Variants in MAPKAP1 observed in about 807,000 individuals in gnomAD.
MAPKAP1 encodes MAPK associated protein 1.
A neutral mutation model predicts 65.7 loss-of-function variants in MAPKAP1; 20 were observed. That is an observed-to-expected ratio of 0.30 (90% CI 0.21 to 0.44). MAPKAP1 has a LOEUF of 0.44. Among genes scored for constraint, MAPKAP1 ranks in the 20% least tolerant of loss-of-function variants. MAPKAP1 has a pLI of 1.00. For missense variants in MAPKAP1, 423 were observed against 648.0 expected (o/e 0.65, Z 3.77); for synonymous variants, 222 against 244.3 (o/e 0.91, Z 0.85).
At chr9:125,664,327 A>G (rs941226162) in intron 3 of MAPKAP1, among the ~76,000 whole-genome samples, 1 of 150,200 alleles carries the variant, frequency 6.7e-6, no homozygotes, top group African/African-American at 2.5e-5. Context: ...AGCCTGGGCA[A>G]TAAGAGTAAA....
chr9:125,458,366 C>T (rs1220324751), intron 10 of MAPKAP1, among the ~76,000 whole-genome samples: 7 of 151,944 alleles, frequency 4.6e-5, no homozygotes, highest in Admixed American at 1.3e-4. Context: ...CCCTGCGGCC[C>T]TCTGCAGTGT....
intron 8 of MAPKAP1, among the ~76,000 whole-genome samples, chr9:125,489,651 A>G (rs7848821): frequency 0.67 from 101,911 of 151,740 alleles, 34,347 homozygotes; most frequent in Middle Eastern, 0.72. Flanking sequence ...TCAGGAAAGG[A>G]GAACTGAGGA....
At chr9:125,591,597 T>C (rs1432099226) in intron 4 of MAPKAP1, among the ~76,000 whole-genome samples, 2 of 152,240 alleles carry the variant, frequency 1.3e-5, no homozygotes, top group African/African-American at 4.8e-5. Context: ...ATCTTTTTAA[T>C]CTTCTAATTC....
rs115230976 is a variant in MAPKAP1 at position 125,596,016 on chromosome 9, G to T, written c.499-10289C>A. On this transcript the variant is annotated intron_variant, in intron 4 of 11. Transcript: ENST00000265960. ...TGGTGGCATTAAAGAAGACACTGAA[G>T]AACATCACCTGCGAGATTATTTTGA... The T allele has an allele frequency of 2.2e-3, 3,320 of 1,497,238 alleles. 70 individuals carry two copies. In the African/African-American group the frequency reaches 0.038, roughly 17 times the overall value. 92.7% of individuals were successfully genotyped at this position (1,497,238 alleles called of 1,614,324 possible). A position where few individuals can be genotyped will look rare whatever the true frequency, so the allele number is the denominator to read the frequency against.
chr9:125,494,167 G>C (rs1854846935), intron 8 of MAPKAP1, among the ~76,000 whole-genome samples: 1 of 151,848 alleles, frequency 6.6e-6, no homozygotes, highest in South Asian at 2.1e-4. Context: ...TTTTTTTCCA[G>C]AGGCCTTTTA....
intron 4 of MAPKAP1, among the ~76,000 whole-genome samples, chr9:125,601,262 C>T (rs543135335): frequency 3.2e-4 from 48 of 152,016 alleles, no homozygotes; most frequent in Non-Finnish European, 5.7e-4. Context: ...TCAAAGATAG[C>T]GAAGTATTTT....
Position 125,447,893 on chromosome 9 carries a change from G to T in MAPKAP1, c.1346-3295C>A, listed in dbSNP as rs73591520. Among the ~76,000 whole-genome samples the T allele has an allele frequency of 6.0e-3, 911 of 152,300 alleles. 10 individuals carry two copies. Among genetic ancestry groups the T allele is most frequent in the African/African-American group, 0.02 (847 of 41,570 alleles). On this transcript the variant is annotated intron_variant, in intron 10 of 11. Transcript: ENST00000265960. This position sits in a 1 kb window ranked among gnomAD's most constrained non-coding sequence, Gnocchi z 4.5. Reference sequence around the variant, plus strand: ...GGGTGAAAAAGAGGAAGATGCCACAGGGCAAGGAAACGGCATGGGCAAACA... The same window carrying T: ...GGGTGAAAAAGAGGAAGATGCCACATGGCAAGGAAACGGCATGGGCAAACA...
At chr9:125,649,134 C>T (rs897547119) in intron 4 of MAPKAP1, among the ~76,000 whole-genome samples, 1 of 152,088 alleles carries the variant, frequency 6.6e-6, no homozygotes, top group South Asian at 2.1e-4. Context: ...CAAAGTACCC[C>T]AGGATGAGAA....
chr9:125,670,776 G>C (rs909050136), intron 2 of MAPKAP1, among the ~76,000 whole-genome samples: 5 of 152,148 alleles, frequency 3.3e-5, no homozygotes, highest in African/African-American at 1.2e-4. Context: ...CAATAAAAAA[G>C]AAAGTCACAA....
chr9:125,653,503 T>G (rs986254868), intron 4 of MAPKAP1, among the ~76,000 whole-genome samples: 2 of 152,134 alleles, frequency 1.3e-5, no homozygotes, highest in Non-Finnish European at 2.9e-5. Context: ...AGGGAGAACA[T>G]GTCTCACATG....
At chr9:125,509,799 C>G (rs1237206761) in intron 7 of MAPKAP1, among the ~76,000 whole-genome samples, 1 of 152,130 alleles carries the variant, frequency 6.6e-6, no homozygotes, top group Non-Finnish European at 1.5e-5. Context: ...TTTTTTCCTA[C>G]CAGTCTTTGC....
chr9:125,668,757 C>T (rs1834412154), intron 3 of MAPKAP1, among the ~76,000 whole-genome samples: 1 of 152,126 alleles, frequency 6.6e-6, no homozygotes, highest in African/African-American at 2.4e-5. Flanking sequence ...ATACCAGCAA[C>T]ATAATGGTTT....
chr9:125,503,033 G>A (rs1035275172), intron 8 of MAPKAP1, among the ~76,000 whole-genome samples: 3 of 152,092 alleles, frequency 2.0e-5, no homozygotes, highest in East Asian at 1.9e-4. Context: ...ATCTAAAAAC[G>A]TATTCTGCCT....
At position 125,561,236 on chromosome 9, in the gene MAPKAP1, C is replaced by T. The variant is rs149407911; in HGVS notation, c.672-1427G>A. ...GACAATGAATTATTTCACTGACTAC[C>T]TGACTTGCAATTTTCCCAATTAATT... On this transcript the variant is annotated intron_variant, in intron 5 of 11. Transcript: ENST00000265960. Among the ~76,000 whole-genome samples, 481 of 152,264 alleles carry T rather than the reference C, an allele frequency of 3.2e-3. 2 individuals carry two copies. Among genetic ancestry groups the T allele is most frequent in the Middle Eastern group, 0.027 (8 of 294 alleles).
intron 4 of MAPKAP1, among the ~76,000 whole-genome samples, chr9:125,629,451 A>G (rs1004011661): frequency 1.3e-5 from 2 of 152,272 alleles, no homozygotes; most frequent in Admixed American, 6.5e-5. Context: ...CCTATGCTAC[A>G]ACATGGATGA....
At chr9:125,683,809 G>A (rs140367697) in intron 1 of MAPKAP1, among the ~76,000 whole-genome samples, 145 of 152,288 alleles carry the variant, frequency 9.5e-4, no homozygotes, top group African/African-American at 3.3e-3. Flanking sequence ...ATTCAGCATA[G>A]TGAAGGAAAA....
intron 6 of MAPKAP1, among the ~76,000 whole-genome samples, chr9:125,549,882 A>G (rs532583456): frequency 6.6e-6 from 1 of 152,162 alleles, no homozygotes; most frequent in East Asian, 1.9e-4. Flanking sequence ...CCCTAATCAA[A>G]CTCAATTATT....
At chr9:125,528,788 G>C (rs961168641) in intron 7 of MAPKAP1, among the ~76,000 whole-genome samples, 26 of 148,666 alleles carry the variant, frequency 1.7e-4, no homozygotes, top group African/African-American at 6.2e-4. Flanking sequence ...CGGAGGTTGC[G>C]GTGAGCTGAG....
At chr9:125,459,708 G>T (rs1229188844) in intron 10 of MAPKAP1, among the ~76,000 whole-genome samples, 1 of 152,164 alleles carries the variant, frequency 6.6e-6, no homozygotes. Flanking sequence ...GCAGGCACTC[G>T]GCAGGCTGAG....
Sources: gnomAD v4.1 joint callset for allele counts (sites outside exome capture counted in the v4.1 genomes callset) on GRCh38, gnomAD v4.1.1 for gene constraint, Gnocchi (gnomAD v3.1) non-coding constraint, MANE v1.5 for transcripts, NCBI Gene and HGNC (gene_info 2026-07-23, HGNC 2026-07-21) for gene names.